DCTN1: variants seen among roughly 807,000 people sequenced by gnomAD.
DCTN1 encodes dynactin subunit 1, also known as 150 kDa dynein-associated polypeptide.
DCTN1 carries 61 observed loss-of-function variants against 161.2 expected under a neutral mutation model. That is an observed-to-expected ratio of 0.38 (90% confidence interval 0.31 to 0.47). DCTN1 has a LOEUF of 0.47. DCTN1 is among the 20% of genes least tolerant of loss of function. DCTN1 has a pLI of 0.99. For synonymous variants in DCTN1, 653 were observed against 632.4 expected, an observed-to-expected ratio of 1.03 and a Z score of -0.49; for missense variants, 1,404 against 1,623.7, an observed-to-expected ratio of 0.86 and a Z score of 2.33.
Position 74,367,812 on chromosome 2 carries a change from G to C in DCTN1, c.2068C>G (p.Pro690Ala), listed in dbSNP as rs749226119. The C allele has an allele frequency of 1.9e-6, 3 of 1,614,134 alleles. No individual in the cohort carries two copies. Among genetic ancestry groups the C allele is most frequent in the Admixed American group, 1.7e-5 (1 of 60,020 alleles). ...DVYKKVGSLY[P>A]EMSAHERSLD... ...GAGCGCTCATGGGCACTCATCTCAG[G>C]GTACAGGCTGCCCACTTTCTTATAC... The change falls in exon 18 of 32, where the codon CCT (proline) becomes GCT (alanine). Residue 690 changes from proline to alanine, a missense_variant. Around this residue, in one of 9 missense-constraint regions of DCTN1, gnomAD observed 475 missense variants for 489.8 expected, o/e 0.97. Transcript: ENST00000628224.
At chr2:74,374,809 G>C (rs1000456717) in intron 5 of DCTN1, 7 of 971,782 alleles carry the variant, frequency 7.2e-6, no homozygotes, top group Non-Finnish European at 7.5e-6. Context: ...CGCAGAGCTT[G>C]TCCTGCTTCT....
intron 16 of DCTN1, chr2:74,368,363 G>A (rs914443368): frequency 1.1e-5 from 7 of 634,748 alleles, no homozygotes; most frequent in Non-Finnish European, 1.1e-5. Context: ...TGGGACCGGT[G>A]GAATCAAGGT....
upstream of DCTN1, among the ~76,000 whole-genome samples, chr2:74,382,963 T>C (rs915652501): frequency 4.6e-5 from 7 of 151,414 alleles, no homozygotes; most frequent in Admixed American, 4.6e-4. Flanking sequence ...TAGTCCCAGC[T>C]ACTCGGGAGG....
chr2:74,386,301 G>C (rs1423629670), intron 1 of DCTN1, among the ~76,000 whole-genome samples: 1 of 152,162 alleles, frequency 6.6e-6, no homozygotes, highest in Non-Finnish European at 1.5e-5. Context: ...AGACGTAAGA[G>C]ATTCATCAAA....
rs1674671209 is a variant in DCTN1 at position 74,369,494 on chromosome 2, AG to A, written c.1393-4del. ...TCGTTCATCTCATTCATCGCTTCCTAGGACACCACACCATAGTTTGGGCTAA... is the reference window on the plus strand; with the variant it reads ...TCGTTCATCTCATTCATCGCTTCCTAGACACCACACCATAGTTTGGGCTAA... On this transcript the variant is annotated splice_polypyrimidine_tract_variant and splice_region_variant and intron_variant, in intron 13 of 31. Transcript: ENST00000628224. The surrounding 1 kb of genome is among the most constrained non-coding windows in gnomAD (Gnocchi z 4.9). 1.9e-6 allele frequency: 3 copies of A among 1,611,796 alleles called. No individual in the cohort carries two copies. The highest frequency in any genetic ancestry group is 2.5e-6 in the Non-Finnish European group (3 of 1,179,978).
Position 74,370,530 on chromosome 2 carries a change from C to A in DCTN1, c.1063G>T (p.Ala355Ser). Residue 355 changes from alanine (A) to serine (S), a missense_variant, in exon 11 of 32, where the codon GCA becomes TCA. Ala to Ser is a moderately conservative substitution (Grantham distance 99, BLOSUM62 1). Coordinates refer to ENST00000628224, the MANE Select transcript of DCTN1 (RefSeq NM_004082.5). This position sits in a 1 kb window ranked among gnomAD's most constrained non-coding sequence, Gnocchi z 4.4. ...AGCTGCTTGAGCTGATAACTGGATG[C>A]AGCGCCATCTGAGCCTGGAGAAGAT... ...EIEEKGSDGA[A>S]SSYQLKQLEE... 1 of 1,614,154 alleles carries A rather than the reference C, an allele frequency of 6.2e-7. No individual in the cohort carries two copies. The highest frequency in any genetic ancestry group is 8.5e-7 in the Non-Finnish European group (1 of 1,180,052).
At chr2:74,391,791 T>C (rs1166026432) in intron 1 of DCTN1, 6 of 453,664 alleles carry the variant, frequency 1.3e-5, no homozygotes, top group African/African-American at 8.0e-5. Context: ...CGCGCCTCCG[T>C]ACCTGCACTG....
chr2:74,381,536 T>C (rs1675510414), upstream of DCTN1, among the ~76,000 whole-genome samples: 1 of 152,158 alleles, frequency 6.6e-6, no homozygotes, highest in African/African-American at 2.4e-5. Context: ...GCCCCCTCCT[T>C]TCCCTATTCG....
At chr2:74,367,457 T>C in intron 18 of DCTN1, 37 bp from the exon 19 acceptor site, 1 of 1,611,028 alleles carries the variant, frequency 6.2e-7, no homozygotes, top group Non-Finnish European at 8.5e-7. Context: ...TTTTAGGCCC[T>C]GGAGCGGGTG....
chr2:74,387,066 G>A (rs1047092481), intron 1 of DCTN1: 2 of 152,004 alleles, frequency 1.3e-5, no homozygotes, highest in East Asian at 1.9e-4. Flanking sequence ...TCTACTTCTC[G>A]ATCCATTGCT....
chr2:74,363,674 G>C (rs376956739), intron 26 of DCTN1, 46 bp from the exon 27 acceptor site: 44 of 1,611,940 alleles, frequency 2.7e-5, no homozygotes, highest in Middle Eastern at 3.3e-4. Context: ...GAGGAGAGAG[G>C]AGTTAGGTGA....
At chr2:74,367,272 C>G in intron 19 of DCTN1, 80 bp downstream of exon 19, 1 of 1,577,632 alleles carries the variant, frequency 6.3e-7, no homozygotes, top group Non-Finnish European at 8.7e-7. Flanking sequence ...TGTGACACTT[C>G]TTGGGTGCCT....
chr2:74,375,187 C>A (rs1675154301), intron 5 of DCTN1, among the ~76,000 whole-genome samples: 1 of 152,210 alleles, frequency 6.6e-6, no homozygotes, highest in African/African-American at 2.4e-5. Context: ...GTAGCAGCAG[C>A]TCTAATGACT....
chr2:74,362,584 T>G, intron 30 of DCTN1, 66 bp downstream of exon 30: 1 of 1,547,066 alleles, frequency 6.5e-7, no homozygotes, highest in Non-Finnish European at 8.8e-7. Flanking sequence ...TCAGAGGAAC[T>G]CCACAAGTGC....
At chr2:74,367,205 C>T (rs1674485410) in intron 19 of DCTN1, 98 bp from the exon 20 acceptor site, 8 of 1,543,058 alleles carry the variant, frequency 5.2e-6, no homozygotes, top group South Asian at 2.3e-5. Flanking sequence ...GACCCCCATA[C>T]ATAAGTAGGT....
intron 7 of DCTN1, among the ~76,000 whole-genome samples, chr2:74,372,365 T>G (rs919401134): frequency 1.3e-5 from 2 of 152,042 alleles, no homozygotes; most frequent in African/African-American, 4.8e-5. Flanking sequence ...CTCTTCGTCA[T>G]CTCCCCCGAT....
chr2:74,371,011 C>T lies in DCTN1; in HGVS notation c.811G>A (p.Asp271Asn), dbSNP rs748949872. 3.1e-6 allele frequency: 5 copies of T among 1,614,134 alleles called. No homozygotes were observed. The highest frequency in any genetic ancestry group is 1.7e-5 in the Admixed American group (1 of 60,026). The change falls in exon 9 of 32, where the codon GAC becomes AAC. Residue 271 changes from aspartate (D) to asparagine (N), a missense_variant. Physicochemically the swap from Asp to Asn is conservative, Grantham distance 23. Transcript: ENST00000628224. ...WKSKMQEQQA[D>N]LQRRLKEARK... ...GCCTCCTTGAGGCGCCGCTGCAGGT[C>T]GGCCTGCTGCTCCTGCATTTTGCTC...
At chr2:74,376,964 C>T (rs1268357783) in intron 4 of DCTN1, among the ~76,000 whole-genome samples, 1 of 152,204 alleles carries the variant, frequency 6.6e-6, no homozygotes. Flanking sequence ...TCACACACAT[C>T]CTGCACAGAG....
intron 31 of DCTN1, 68 bp from the exon 32 acceptor site, chr2:74,361,704 G>C: frequency 6.2e-7 from 1 of 1,608,166 alleles, no homozygotes; most frequent in South Asian, 1.1e-5. Context: ...CACTGAAGGG[G>C]TCCCTGAGCA....
Sources: gnomAD v4.1 joint callset for allele counts (sites outside exome capture counted in the v4.1 genomes callset) on GRCh38, gnomAD v4.1.1 for gene constraint, gnomAD v4.1.1 regional missense constraint, Gnocchi (gnomAD v3.1) non-coding constraint, MANE v1.5 for transcripts, NCBI Gene and HGNC (gene_info 2026-07-23, HGNC 2026-07-21) for gene names.